Variants in LRRIQ1 observed in about 807,000 individuals in gnomAD.
LRRIQ1 encodes the protein leucine-rich repeat- and IQ domain-containing protein 1.
In LRRIQ1, 210 loss-of-function variants were observed where a neutral mutation model predicts 211.9. The observed-to-expected ratio is 0.99, with a 90% CI of 0.89 to 1.11. The LOEUF (loss-of-function observed/expected upper bound fraction) is 1.11. LRRIQ1 is among the 50% of genes most tolerant of loss of function. The pLI is 0.00. For synonymous variants in LRRIQ1, 699 were observed against 650.1 expected, an observed-to-expected ratio of 1.08 and a Z score of -1.14; for missense variants, 2,136 against 1,939.5, an observed-to-expected ratio of 1.10 and a Z score of -1.90.
At chr12:85,086,481 A>G (rs918555655) in intron 11 of LRRIQ1, among the ~76,000 whole-genome samples, 1 of 152,114 alleles carries the variant, frequency 6.6e-6, no homozygotes, top group Admixed American at 6.5e-5. Flanking sequence ...GCCTTCTGCC[A>G]TGATTGTAAA....
intron 24 of LRRIQ1, among the ~76,000 whole-genome samples, chr12:85,205,455 T>C (rs965837131): frequency 6.6e-6 from 1 of 152,206 alleles, no homozygotes; most frequent in Non-Finnish European, 1.5e-5. Context: ...GTAGGGTTTC[T>C]CCTGAAAGGT....
chr12:85,248,812 C>A (rs767462327), downstream of LRRIQ1, among the ~76,000 whole-genome samples: 1 of 151,514 alleles, frequency 6.6e-6, no homozygotes, highest in Non-Finnish European at 1.5e-5. Flanking sequence ...AGAAGAAAAA[C>A]CATTTAAGCA....
chr12:85,236,190 G>A (rs1895165108), intron 26 of LRRIQ1, among the ~76,000 whole-genome samples: 1 of 152,086 alleles, frequency 6.6e-6, no homozygotes, highest in Non-Finnish European at 1.5e-5. Flanking sequence ...TAATATCTTT[G>A]CAACTTAGCA....
chr12:85,215,344 G>A (rs1424711674), intron 24 of LRRIQ1, among the ~76,000 whole-genome samples: 3 of 152,138 alleles, frequency 2.0e-5, no homozygotes, highest in Non-Finnish European at 4.4e-5. Flanking sequence ...GATAGTCAGA[G>A]CAGTGTTGTT....
chr12:85,040,640 TGTAA>T, intron 3 of LRRIQ1, 39 bp downstream of exon 3: 1 of 1,226,258 alleles, frequency 8.2e-7, no homozygotes, highest in Non-Finnish European at 1.2e-6. Context: ...ATAAGCTTTC[TGTAA>T]GTATGAACAA....
intron 24 of LRRIQ1, among the ~76,000 whole-genome samples, chr12:85,183,702 C>T (rs534028210): frequency 6.6e-6 from 1 of 152,018 alleles, no homozygotes; most frequent in Non-Finnish European, 1.5e-5. Context: ...AGAAACATAG[C>T]ATAAAGAAAT....
chr12:85,224,574 G>T (rs1486446337), intron 24 of LRRIQ1, among the ~76,000 whole-genome samples: 1 of 152,134 alleles, frequency 6.6e-6, no homozygotes, highest in African/African-American at 2.4e-5. Flanking sequence ...ATGAGTTCAT[G>T]TCCTTTGCAG....
At chr12:85,264,477 T>C (rs1334666651), downstream of LRRIQ1, 1 of 152,016 alleles carries the variant, frequency 6.6e-6, no homozygotes, top group Admixed American at 6.6e-5. Context: ...AAACTGGAAG[T>C]TTTTTTATAG....
At chr12:85,044,016 A>AT (rs971040459) in intron 3 of LRRIQ1, among the ~76,000 whole-genome samples, 39 of 152,218 alleles carry the variant, frequency 2.6e-4, no homozygotes, top group Admixed American at 1.5e-3. Flanking sequence ...GGATGATGTC[A>AT]TTTTTTTCTT....
At chr12:85,213,617 A>G (rs187618016) in intron 24 of LRRIQ1, among the ~76,000 whole-genome samples, 12 of 152,160 alleles carry the variant, frequency 7.9e-5, no homozygotes, top group Admixed American at 7.8e-4. Flanking sequence ...TGTCTTCAGG[A>G]TTAAAATCTT....
chr12:85,116,818 C>A (rs1887616321), intron 15 of LRRIQ1, among the ~76,000 whole-genome samples: 1 of 151,808 alleles, frequency 6.6e-6, no homozygotes, highest in African/African-American at 2.4e-5. Flanking sequence ...TTTGTTTCTG[C>A]CTTAGTTTGC....
intron 11 of LRRIQ1, among the ~76,000 whole-genome samples, chr12:85,086,866 G>A (rs1360322435): frequency 6.6e-6 from 1 of 151,860 alleles, no homozygotes; most frequent in Non-Finnish European, 1.5e-5. Context: ...GGGAGTAGAA[G>A]CCCAGACTGC....
At chr12:85,093,682 A>G (rs1351688517) in intron 11 of LRRIQ1, among the ~76,000 whole-genome samples, 1 of 152,202 alleles carries the variant, frequency 6.6e-6, no homozygotes, top group Non-Finnish European at 1.5e-5. Flanking sequence ...TCAACCTGTC[A>G]CTTCAGAAGA....
chr12:85,262,536 TTATAA>T (rs1468442594), intron 1 of LRRIQ1, among the ~76,000 whole-genome samples: 2 of 151,924 alleles, frequency 1.3e-5, no homozygotes, highest in Admixed American at 1.3e-4. Context: ...ACATGTTTTA[TTATAA>T]TAATATAAAT....
chr12:85,154,229 A>C (rs1433129492), intron 23 of LRRIQ1, 135 bp downstream of exon 23: 2 of 398,588 alleles, frequency 5.0e-6, no homozygotes, highest in Non-Finnish European at 8.7e-6. Flanking sequence ...GATACTCTGA[A>C]AAAAAATAAA....
intron 24 of LRRIQ1, among the ~76,000 whole-genome samples, chr12:85,181,171 C>A (rs540142445): frequency 9.6e-6 from 1 of 103,980 alleles, no homozygotes; most frequent in East Asian, 2.5e-4. Flanking sequence ...TACCTTTAAA[C>A]ATTCCAGTAA....
intron 11 of LRRIQ1, among the ~76,000 whole-genome samples, chr12:85,092,861 A>G (rs1463585139): frequency 6.6e-6 from 1 of 152,210 alleles, no homozygotes; most frequent in Non-Finnish European, 1.5e-5. Context: ...TTTGCTATTG[A>G]TGAAGAGTTA....
rs746304363 is a variant in LRRIQ1, at chr12:85,038,174, A to G, written c.-3A>G. 8 of 1,551,384 alleles carry G rather than the reference A, an allele frequency of 5.2e-6. No individual in the cohort carries two copies. The South Asian group carries it at 7.3e-5, about 14-fold the overall frequency. ...GCAGTTCTGTGCTTTATTATGAAGAATAATGGACGATGATGATGCAAAGCT... is the reference window on the plus strand; with the variant it reads ...GCAGTTCTGTGCTTTATTATGAAGAGTAATGGACGATGATGATGCAAAGCT... On this transcript the variant is annotated 5_prime_UTR_variant, in exon 2 of 27. Transcript: ENST00000393217.
intron 14 of LRRIQ1, among the ~76,000 whole-genome samples, chr12:85,104,783 TTTCTC>T (rs1371387491): frequency 2.0e-5 from 3 of 152,014 alleles, no homozygotes; most frequent in African/African-American, 7.2e-5. Flanking sequence ...AGGCTTAAGT[TTTCTC>T]TTCTCTTGGG....
Sources: gnomAD v4.1 joint callset for allele counts (sites outside exome capture counted in the v4.1 genomes callset) on GRCh38, gnomAD v4.1.1 for gene constraint, MANE v1.5 for transcripts, NCBI Gene and HGNC (gene_info 2026-07-23, HGNC 2026-07-21) for gene names.